RPUSD3: variants seen among roughly 807,000 people sequenced by gnomAD.
RPUSD3 encodes the protein RNA pseudouridine synthase D3, also known as mitochondrial mRNA pseudouridine synthase RPUSD3.
Under a neutral mutation model 35.1 loss-of-function variants are expected in RPUSD3, and 36 were observed. The observed-to-expected ratio is 1.02, with a 90% confidence interval of 0.79 to 1.35. The LOEUF (loss-of-function observed/expected upper bound fraction) is 1.35, where lower values mean the gene tolerates loss of function less well. Among genes scored for constraint, RPUSD3 ranks in the 40% most tolerant of loss-of-function variants. The pLI is 0.00. For missense variants in RPUSD3, 486 were observed against 441.9 expected, an observed-to-expected ratio of 1.10 and a Z score of -0.89; for synonymous variants, 202 against 187.8, an observed-to-expected ratio of 1.08 and a Z score of -0.62.
intron 2 of RPUSD3, chr3:9,842,603 GTTCAT>G: frequency 3.3e-6 from 1 of 303,220 alleles, no homozygotes; most frequent in Admixed American, 4.5e-5. Flanking sequence ...CTAGTAACTT[GTTCAT>G]TTATTTTCTG....
chr3:9,839,712 G>C (rs1321966260), intron 7 of RPUSD3: 1 of 158,692 alleles, frequency 6.3e-6, no homozygotes, highest in Non-Finnish European at 1.4e-5. Context: ...CAAGTAGCTA[G>C]GATTACAGGT....
exon 1 of RPUSD3, chr3:9,844,008 C>G: frequency 6.3e-7 from 1 of 1,581,416 alleles, no homozygotes; most frequent in South Asian, 1.1e-5. Context: ...GCCAGGACAG[C>G]GCGCATGTGC....
chr3:9,838,998 C>T (rs760855691), intron 8 of RPUSD3, 34 bp downstream of exon 8: 1 of 1,613,792 alleles, frequency 6.2e-7, no homozygotes, highest in South Asian at 1.1e-5. Context: ...TCCCTCCACC[C>T]CTCAGAAAGC....
At chr3:9,839,391 G>A (rs2082070091) in intron 7 of RPUSD3, 1 of 494,902 alleles carries the variant, frequency 2.0e-6, no homozygotes, top group Admixed American at 3.7e-5. Context: ...CACTCATGAT[G>A]AGATGCAACC....
Position 9,842,100 on chromosome 3 carries a change from A to C in RPUSD3, c.308-18T>G. ...TGGTTTTCCTGGAAAGTAAGAAAGA[A>C]AAATTACAAGAGGCCAAAGCTTCAT... On this transcript the variant is annotated intron_variant, in intron 3 of 8. Transcript: ENST00000383820. 1.2e-6 allele frequency: 2 copies of C among 1,609,632 alleles called. No individual in the cohort carries two copies. The highest frequency in any genetic ancestry group is 4.5e-5 in the East Asian group (2 of 44,794).
chr3:9,843,354 G>GC, intron 2 of RPUSD3, 111 bp downstream of exon 2: 2 of 1,488,952 alleles, frequency 1.3e-6, no homozygotes, highest in Non-Finnish European at 1.8e-6. Flanking sequence ...AGCTCATGCT[G>GC]CTAGTGGGAG....
intron 4 of RPUSD3, chr3:9,841,310 A>ATTTGT (rs1315864978): frequency 4.5e-5 from 7 of 153,954 alleles, no homozygotes; most frequent in African/African-American, 1.5e-4. Flanking sequence ...CAGGGAGGGT[A>ATTTGT]TTTGTTTTGT....
intron 3 of RPUSD3, 34 bp from the exon 4 acceptor site, chr3:9,842,116 A>G: frequency 6.2e-7 from 1 of 1,611,016 alleles, no homozygotes; most frequent in Non-Finnish European, 8.5e-7. Flanking sequence ...ACAAGAGGCC[A>G]AAGCTTCATG....
At chr3:9,839,606 TTC>T (rs2082073360) in intron 7 of RPUSD3, 1 of 155,378 alleles carries the variant, frequency 6.4e-6, no homozygotes, top group Non-Finnish European at 1.4e-5. Context: ...TAGCCAGCGT[TTC>T]ACTCTGTCTC....
exon 9 of RPUSD3, chr3:9,838,004 A>G (rs750142926): frequency 7.1e-6 from 11 of 1,550,200 alleles, no homozygotes; most frequent in Non-Finnish European, 9.6e-6. Context: ...GGGGTCAGGA[A>G]CAGAGGGAGG....
exon 2 of RPUSD3, chr3:9,843,512 C>G: frequency 6.2e-7 from 1 of 1,614,080 alleles, no homozygotes; most frequent in Non-Finnish European, 8.5e-7. Context: ...CAGCTCCTCC[C>G]GACTGAGGTT....
chr3:9,843,562 C>A, exon 2 of RPUSD3: 1 of 1,613,812 alleles, frequency 6.2e-7, no homozygotes, highest in Non-Finnish European at 8.5e-7. Context: ...CCCCGAGGGG[C>A]CCCGACCGTT....
At position 9,838,242 on chromosome 3, in the gene RPUSD3, C is replaced by T. The variant is rs199896734; in HGVS notation, c.865-35G>A. ...GAGAGGTACGTTGTGTTCAGCCCCA[C>T]ATTTTCCAAGCAGCTGAGTACCCAG... On this transcript the variant is annotated intron_variant, in intron 8 of 8. Coordinates refer to ENST00000383820, the Ensembl canonical transcript of RPUSD3. 4 of 1,606,112 alleles carry T rather than the reference C, an allele frequency of 2.5e-6. No homozygotes were observed. In the East Asian group the frequency reaches 8.9e-5, roughly 36 times the overall value.
chr3:9,838,650 C>G (rs1299142335), intron 8 of RPUSD3, among the ~76,000 whole-genome samples: 1 of 152,190 alleles, frequency 6.6e-6, no homozygotes, highest in Non-Finnish European at 1.5e-5. Flanking sequence ...CATTATTTGA[C>G]CTTAACATGA....
chr3:9,840,225 G>A (rs1378346625), exon 7 of RPUSD3: 1 of 1,614,056 alleles, frequency 6.2e-7, no homozygotes, highest in Non-Finnish European at 8.5e-7. Flanking sequence ...GCCAGAGCCT[G>A]TGGCTACCAC....
exon 1 of RPUSD3, chr3:9,843,913 G>T: frequency 6.2e-7 from 1 of 1,605,670 alleles, no homozygotes; most frequent in Non-Finnish European, 8.5e-7. Flanking sequence ...CAAAGCCTGC[G>T]TCCTCGGGCA....
At chr3:9,842,075 T>C (rs763277201) in exon 4 of RPUSD3, 18 of 1,610,102 alleles carry the variant, frequency 1.1e-5, no homozygotes, top group East Asian at 2.2e-5. Flanking sequence ...TCAGCTCTCC[T>C]GGTTTTCCTG....
chr3:9,839,731 C>T (rs993296017), intron 7 of RPUSD3: 4 of 161,416 alleles, frequency 2.5e-5, no homozygotes, highest in African/African-American at 9.7e-5. Flanking sequence ...GTGCGTGCCA[C>T]CAACTCCAGC....
At position 9,842,656 on chromosome 3, in the gene RPUSD3, C is replaced by T. The variant is rs189499774; in HGVS notation, c.263-413G>A. 272 of 261,918 alleles carry T rather than the reference C, an allele frequency of 1.0e-3. 2 individuals carry two copies. The highest frequency in any genetic ancestry group is 5.5e-3 in the African/African-American group (253 of 45,768). 16.2% of individuals were successfully genotyped at this position (261,918 alleles called of 1,614,324 possible). A position where few individuals can be genotyped will look rare whatever the true frequency, so the allele number is the denominator to read the frequency against. On this transcript the variant is annotated intron_variant, in intron 2 of 8. Transcript: ENST00000383820. ...CCCGTTAGAGAGAAATCCATTTCTC[C>T]CCTGAGAGCAGAAACCATATCTATC...
Sources: gnomAD v4.1 joint callset for allele counts (sites outside exome capture counted in the v4.1 genomes callset) on GRCh38, gnomAD v4.1.1 for gene constraint, MANE v1.5 for transcripts, NCBI Gene and HGNC (gene_info 2026-07-23, HGNC 2026-07-21) for gene names.